PHTF2: variants seen among roughly 807,000 people sequenced by gnomAD.
The protein encoded by PHTF2 is putative homeodomain transcription factor 2.
Under a neutral mutation model 101.2 loss-of-function variants are expected in PHTF2, and 60 were observed. The ratio of observed to expected loss-of-function variants is 0.59; its 90% CI spans 0.48 to 0.73. The LOEUF is 0.73. Among genes scored for constraint, PHTF2 ranks in the 30% least tolerant of loss-of-function variants. The pLI is 0.00. For missense variants in PHTF2, 747 were observed against 908.7 expected (o/e 0.82, Z 2.29); for synonymous variants, 311 against 307.3 (o/e 1.01, Z -0.13).
rs975548159 is a variant in PHTF2, at chr7:77,875,680, C to T, written c.148-17928C>T. Among the ~76,000 whole-genome samples the T allele has an allele frequency of 2.0e-5, 3 of 152,038 alleles. No individual in the cohort carries two copies. The South Asian group carries it at 6.2e-4, about 32-fold the overall frequency. ...TCACACCATTCTCCTGCCTCAGCCT[C>T]CCGAGTAGCTGGGACTACAGGCGCC... On this transcript the variant is annotated intron_variant, in intron 3 of 19. Coordinates refer to ENST00000416283, the Ensembl canonical transcript of PHTF2.
At chr7:77,859,325 T>C (rs1797430569) in intron 3 of PHTF2, among the ~76,000 whole-genome samples, 1 of 152,186 alleles carries the variant, frequency 6.6e-6, no homozygotes, top group African/African-American at 2.4e-5. Context: ...CTGAAGTATA[T>C]TTACTGGTTT....
intron 3 of PHTF2, among the ~76,000 whole-genome samples, chr7:77,878,466 G>C (rs763321605): frequency 3.3e-5 from 5 of 152,054 alleles, no homozygotes; most frequent in South Asian, 2.1e-4. Context: ...TGGGGAGTAG[G>C]AGCAACTGGG....
chr7:77,840,694 TA>T (rs1795799289), intron 2 of PHTF2, among the ~76,000 whole-genome samples: 1 of 152,024 alleles, frequency 6.6e-6, no homozygotes, highest in Non-Finnish European at 1.5e-5. Flanking sequence ...TTCAGTAAAA[TA>T]AAGTTTTGGG....
chr7:77,851,217 AG>A (rs1796733372), intron 2 of PHTF2, among the ~76,000 whole-genome samples: 5 of 152,224 alleles, frequency 3.3e-5, no homozygotes, highest in Non-Finnish European at 7.3e-5. Flanking sequence ...AAAGTATAGC[AG>A]TGAAGCCATT....
intron 11 of PHTF2, chr7:77,923,630 T>G (rs1218043934): frequency 7.1e-6 from 7 of 984,924 alleles, no homozygotes; most frequent in Non-Finnish European, 8.4e-6. Context: ...AATGCCAGTG[T>G]GTCTGCTCTA....
At chr7:77,900,759 A>G in exon 6 of PHTF2, 2 of 1,555,488 alleles carry the variant, frequency 1.3e-6, no homozygotes, top group Non-Finnish European at 1.8e-6. Context: ...ACCAGACCTC[A>G]TAGATGTTGA....
intron 1 of PHTF2, among the ~76,000 whole-genome samples, chr7:77,826,629 A>G (rs559767084): frequency 6.6e-6 from 1 of 152,234 alleles, no homozygotes; most frequent in East Asian, 1.9e-4. Context: ...ACTACCCAAC[A>G]CTTTTGGTGG....
At position 77,926,075 on chromosome 7, in the gene PHTF2, AC is replaced by A. The variant is rs375272824; in HGVS notation, c.1120-3031del. On this transcript the variant is annotated intron_variant, in intron 11 of 19. Coordinates refer to ENST00000416283, the Ensembl canonical transcript of PHTF2. Reference sequence around the variant, plus strand: ...TCTCAAAAAAAAAACAAAAACAAAAACCCACTTACTAATCTGCATTTGGCAA... The same window carrying A: ...TCTCAAAAAAAAAACAAAAACAAAAACCACTTACTAATCTGCATTTGGCAA... 5.2e-3 allele frequency among the ~76,000 whole-genome samples: 789 copies of A among 152,046 alleles called. 5 individuals carry two copies. The highest frequency in any genetic ancestry group is 0.018 in the African/African-American group (757 of 41,494).
chr7:77,924,152 G>A, intron 11 of PHTF2: 1 of 954,170 alleles, frequency 1.0e-6, no homozygotes, highest in Non-Finnish European at 1.2e-6. Flanking sequence ...GCAAAATAAA[G>A]CCTCCTTTGA....
At chr7:77,836,987 A>T (rs1188022118) in intron 1 of PHTF2, among the ~76,000 whole-genome samples, 1 of 152,102 alleles carries the variant, frequency 6.6e-6, no homozygotes, top group Non-Finnish European at 1.5e-5. Context: ...AAAAAAAAAA[A>T]AAAGAATTTC....
chr7:77,913,890 A>G, intron 9 of PHTF2, among the ~76,000 whole-genome samples: 1 of 151,898 alleles, frequency 6.6e-6, no homozygotes, highest in Admixed American at 6.6e-5. Flanking sequence ...TCTCTAAATC[A>G]CCAGGTCAAA....
intron 1 of PHTF2, among the ~76,000 whole-genome samples, chr7:77,821,126 GTTT>G (rs56131046): frequency 0.16 from 24,066 of 149,686 alleles, 2,718 homozygotes; most frequent in African/African-American, 0.32. Flanking sequence ...TTGGATGGCA[GTTT>G]TTTTTTTTTC....
At chr7:77,956,558 A>G (rs1807001725) in exon 20 of PHTF2, 1 of 152,590 alleles carries the variant, frequency 6.6e-6, no homozygotes, top group Admixed American at 6.5e-5. Flanking sequence ...CTTTAAGAAC[A>G]TACTTAGTTT....
intron 12 of PHTF2, among the ~76,000 whole-genome samples, chr7:77,932,443 C>A (rs917565334): frequency 3.3e-5 from 5 of 151,948 alleles, no homozygotes; most frequent in Non-Finnish European, 5.9e-5. Flanking sequence ...GATCTTTTTT[C>A]CGTGAAGTGC....
intron 3 of PHTF2, among the ~76,000 whole-genome samples, chr7:77,884,390 C>T (rs938819974): frequency 3.3e-5 from 5 of 152,136 alleles, no homozygotes; most frequent in Admixed American, 2.6e-4. Flanking sequence ...CCTTCCCACC[C>T]TACCCCTTCT....
chr7:77,820,365 G>GT (rs1794185808), intron 1 of PHTF2, among the ~76,000 whole-genome samples: 1 of 151,952 alleles, frequency 6.6e-6, no homozygotes, highest in Non-Finnish European at 1.5e-5. Context: ...ATTCTGTTTT[G>GT]TTTTTTTAGA....
At chr7:77,896,223 A>C (rs1800863991) in intron 5 of PHTF2, among the ~76,000 whole-genome samples, 1 of 152,132 alleles carries the variant, frequency 6.6e-6, no homozygotes, top group African/African-American at 2.4e-5. Flanking sequence ...GTAGCAGTCA[A>C]GTCAGAGCTT....
At chr7:77,951,753 T>C (rs900598952) in intron 18 of PHTF2, 41 bp downstream of exon 17, 1 of 801,958 alleles carries the variant, frequency 1.2e-6, no homozygotes, top group Non-Finnish European at 2.0e-6. Context: ...TCAAATATGC[T>C]GTTCTGACAT....
chr7:77,893,659 A>C (rs748500147), exon 4 of PHTF2: 3 of 1,341,294 alleles, frequency 2.2e-6, no homozygotes, highest in South Asian at 1.3e-5. Flanking sequence ...ACAGAGAGAA[A>C]TCAAGGTAAG....
Sources: gnomAD v4.1 joint callset for allele counts (sites outside exome capture counted in the v4.1 genomes callset) on GRCh38, gnomAD v4.1.1 for gene constraint, MANE v1.5 for transcripts, NCBI Gene and HGNC (gene_info 2026-07-23, HGNC 2026-07-21) for gene names.